The following DMBT1 variants were observed in gnomAD, a reference collection of about 807,000 sequenced individuals.
DMBT1 encodes the protein deleted in malignant brain tumors 1.
In DMBT1, 198 loss-of-function variants were observed where a neutral mutation model predicts 252.9. The ratio of observed to expected loss-of-function variants is 0.78; its 90% CI spans 0.70 to 0.88. DMBT1 has a LOEUF of 0.88. Among genes scored for constraint, DMBT1 ranks in the 40% least tolerant of loss-of-function variants. DMBT1 has a pLI of 0.00. For missense variants in DMBT1, 2,432 were observed against 2,404.7 expected (o/e 1.01, Z -0.24); for synonymous variants, 990 against 942.7 (o/e 1.05, Z -0.92).
intron 24 of DMBT1, among the ~76,000 whole-genome samples, chr10:122,597,473 C>T (rs980089179): frequency 7.9e-5 from 12 of 152,166 alleles, no homozygotes; most frequent in African/African-American, 2.4e-4. Context: ...CAGTGCAGGC[C>T]TGACACCTCC....
rs762756607 is a variant in DMBT1 at position 122,591,444 on chromosome 10, T to G, written c.2138-35T>G. 3 of 1,576,770 alleles carry G rather than the reference T, an allele frequency of 1.9e-6. No individual in the cohort carries two copies. The South Asian group carries it at 3.5e-5, about 18-fold the overall frequency. On this transcript the variant is annotated intron_variant, in intron 18 of 55. Transcript: ENST00000338354. ...CTTTTGGAGCTTTTCTCCCTCAACTTTAATTCTAGCCTTTGTCTTTGTTGC... is the reference window on the plus strand; with the variant it reads ...CTTTTGGAGCTTTTCTCCCTCAACTGTAATTCTAGCCTTTGTCTTTGTTGC...
intron 10 of DMBT1, among the ~76,000 whole-genome samples, 180 bp downstream of exon 10, chr10:122,580,081 G>A (rs891770239): frequency 1.3e-5 from 2 of 152,188 alleles, no homozygotes; most frequent in African/African-American, 4.8e-5. Context: ...TGGTCACTTA[G>A]GACAGGGGAT....
intron 5 of DMBT1, 27 bp from the exon 6 acceptor site, chr10:122,573,688 T>C (rs746399168): frequency 1.2e-6 from 2 of 1,613,700 alleles, no homozygotes; most frequent in Non-Finnish European, 1.7e-6. Flanking sequence ...CTACGATCAA[T>C]GAGCTCTTCC....
At chr10:122,593,370 C>A (rs1424895989) in intron 20 of DMBT1, among the ~76,000 whole-genome samples, 199 bp from the exon 21 acceptor site, 1 of 148,256 alleles carries the variant, frequency 6.7e-6, no homozygotes, top group African/African-American at 2.4e-5. Context: ...CACCTCAGAG[C>A]TGGCAATAGT....
Position 122,586,507 on chromosome 10 carries a change from G to A in DMBT1, c.1783+124G>A, listed in dbSNP as rs1002853100. Reference sequence around the variant, plus strand: ...TTCCTATATTTCTGATACCTCCTTAGCTCTCTCCTAGGAAACCGCATGAGT... The same window carrying A: ...TTCCTATATTTCTGATACCTCCTTAACTCTCTCCTAGGAAACCGCATGAGT... On this transcript the variant is annotated intron_variant, in intron 16 of 55. Coordinates refer to ENST00000338354, the MANE Select transcript of DMBT1 (RefSeq NM_001377530.1). The A allele has an allele frequency of 4.3e-5, 61 of 1,419,910 alleles. 10 individuals carry two copies. In the East Asian group the frequency reaches 7.8e-4, roughly 18 times the overall value. 88.0% of individuals were successfully genotyped at this position (1,419,910 alleles called of 1,614,324 possible).
chr10:122,627,666 T>G (rs1315597637), intron 46 of DMBT1, among the ~76,000 whole-genome samples: 1 of 152,244 alleles, frequency 6.6e-6, no homozygotes, highest in Non-Finnish European at 1.5e-5. Context: ...ATGTAACTCG[T>G]ATCCTTGTCT....
Position 122,570,909 on chromosome 10 carries a change from G to A in DMBT1, c.159G>A (p.Glu53=), listed in dbSNP as rs2097656487. 2 of 1,613,378 alleles carry A rather than the reference G, an allele frequency of 1.2e-6. No homozygotes were observed. Among genetic ancestry groups the A allele is most frequent in the Admixed American group, 1.7e-5 (1 of 60,002 alleles). ...CTGCAGGTTCTCCATTTCCCTCGGA[G>A]TCGACCCTGGAGTCAACTGTAGCAG... is the stretch of plus-strand genomic sequence containing the variant. ...TVAEGSPFPS[E]STLESTVAEG... The change falls in exon 4 of 56, where the codon GAG becomes GAA. Residue 53 remains glutamate, a synonymous_variant. Coordinates refer to ENST00000338354, the MANE Select transcript of DMBT1 (RefSeq NM_001377530.1).
chr10:122,576,819 G>A (rs2097716549), intron 7 of DMBT1, 97 bp downstream of exon 7: 5 of 1,486,542 alleles, frequency 3.4e-6, no homozygotes, highest in Middle Eastern at 1.8e-4. Context: ...TTGAGCTCAG[G>A]CGTTCAAGAC....
At chr10:122,637,413 T>G (rs940998153) in intron 54 of DMBT1, 101 bp downstream of exon 54, 3 of 1,315,464 alleles carry the variant, frequency 2.3e-6, no homozygotes, top group African/African-American at 3.0e-5. Flanking sequence ...ATTATGATTT[T>G]GGGATAATCA....
Position 122,640,200 on chromosome 10 carries a change from C to T in DMBT1, c.7103C>T (p.Ala2368Val), listed in dbSNP as rs1844270220. 1 of 1,613,940 alleles carries T rather than the reference C, an allele frequency of 6.2e-7. No homozygotes were observed. Among genetic ancestry groups the T allele is most frequent in the Non-Finnish European group, 8.5e-7 (1 of 1,179,908 alleles). ...MYIANDTIHV[A>V]NNTIQVEEVQ... is the part of the protein sequence containing the mutation. ...ATTGCTAATGACACCATCCACGTTG[C>T]TAATAACACCATCCAGGTCGAGGAA... The change falls in exon 55 of 56, where the codon GCT (alanine) becomes GTT (valine). Residue 2368 changes from alanine to valine, a missense_variant. By Grantham distance (64) the Ala-to-Val change is moderately conservative (BLOSUM62 0). This residue lies in a region of DMBT1 where 1,162 missense variants were observed against 1,169.0 expected (regional missense o/e 0.99). Coordinates refer to ENST00000338354, the MANE Select transcript of DMBT1 (RefSeq NM_001377530.1).
chr10:122,617,226 A>C lies in DMBT1; in HGVS notation c.4859-2A>C. The C allele has an allele frequency of 6.2e-7, 1 of 1,609,546 alleles. No individual in the cohort carries two copies. On this transcript the variant is annotated splice_acceptor_variant, in intron 39 of 55. Coordinates refer to ENST00000338354, the MANE Select transcript of DMBT1 (RefSeq NM_001377530.1). LOFTEE classifies it high-confidence loss of function. ...GTCTTTTTTCTTTGTTGCTATTTAC[A>C]GACACTTGGCCAACCTCTCGTGCAT... is the stretch of plus-strand genomic sequence containing the variant.
chr10:122,621,227 C>G lies in DMBT1; in HGVS notation c.5455C>G (p.Pro1819Ala), dbSNP rs994742622. 4 of 1,613,728 alleles carry G rather than the reference C, an allele frequency of 2.5e-6. No individual in the cohort carries two copies. Among genetic ancestry groups the G allele is most frequent in the African/African-American group, 2.7e-5 (2 of 74,914 alleles). ...QLGCGWAMSA[P>A]GNARFGQGSG... Reference sequence around the variant, plus strand: ...GGGCTGTGGCTGGGCCATGTCGGCCCCAGGAAATGCCCGGTTTGGCCAGGG... The same window carrying G: ...GGGCTGTGGCTGGGCCATGTCGGCCGCAGGAAATGCCCGGTTTGGCCAGGG... The change falls in exon 44 of 56, where the codon CCA becomes GCA. Residue 1819 changes from proline to alanine, a missense_variant. Pro to Ala is a conservative substitution (Grantham distance 27, BLOSUM62 -1). Coordinates refer to ENST00000338354, the MANE Select transcript of DMBT1 (RefSeq NM_001377530.1).
At chr10:122,640,570 A>AG in intron 55 of DMBT1, 121 bp downstream of exon 55, 3 of 1,076,640 alleles carry the variant, frequency 2.8e-6, no homozygotes, top group Non-Finnish European at 3.9e-6. Flanking sequence ...TTCCAGCTTA[A>AG]CTGGATCCCT....
intron 27 of DMBT1, among the ~76,000 whole-genome samples, chr10:122,600,745 C>T (rs1228941126): frequency 6.6e-6 from 1 of 152,092 alleles, no homozygotes; most frequent in Non-Finnish European, 1.5e-5. Flanking sequence ...ATGGTGGGGG[C>T]ATCCTCTAAG....
chr10:122,634,871 G>T lies in DMBT1; in HGVS notation c.6549-1120G>T, dbSNP rs575934882. ...TAACTGTGAAGAGGCACCAGTGTTT[G>T]CTAGTGTCCTGAACAAGGGGCTACA... On this transcript the variant is annotated intron_variant, in intron 52 of 55. Coordinates refer to ENST00000338354, the MANE Select transcript of DMBT1 (RefSeq NM_001377530.1). 8.1e-4 allele frequency among the ~76,000 whole-genome samples: 124 copies of T among 152,276 alleles called. 1 individual carries two copies. Among genetic ancestry groups the T allele is most frequent in the African/African-American group, 2.9e-3 (120 of 41,562 alleles).
chr10:122,579,767 G>A lies in DMBT1; in HGVS notation c.869G>A (p.Gly290Asp). The change falls in exon 10 of 56, where the codon GGC becomes GAC. Residue 290 changes from glycine to aspartate, a missense_variant. By Grantham distance (94) the Gly-to-Asp change is moderately conservative. Coordinates refer to ENST00000338354, the MANE Select transcript of DMBT1 (RefSeq NM_001377530.1). ...AMSAPGNAQF[G>D]QGSGPIVLDD... Reference sequence around the variant, plus strand: ...TCAGCCCCAGGAAATGCCCAGTTTGGCCAGGGCTCAGGACCCATTGTCCTG... The same window carrying A: ...TCAGCCCCAGGAAATGCCCAGTTTGACCAGGGCTCAGGACCCATTGTCCTG... 1.9e-6 allele frequency: 3 copies of A among 1,613,802 alleles called. No homozygotes were observed. Among genetic ancestry groups the A allele is most frequent in the Non-Finnish European group, 2.5e-6 (3 of 1,179,758 alleles).
chr10:122,570,972 T>C, intron 4 of DMBT1, 35 bp downstream of exon 4: 1 of 1,602,898 alleles, frequency 6.2e-7, no homozygotes, highest in South Asian at 1.1e-5. Context: ...TGTGGGCTCA[T>C]TACCCCACTG....
intron 5 of DMBT1, 91 bp downstream of exon 5, chr10:122,572,452 G>T (rs1824447992): frequency 8.4e-6 from 13 of 1,546,680 alleles, no homozygotes; most frequent in Non-Finnish European, 1.2e-5. Context: ...AGAGGACATA[G>T]AAAGTAGTGT....
At chr10:122,621,013 C>T in intron 43 of DMBT1, 44 bp from the exon 44 acceptor site, 4 of 1,610,574 alleles carry the variant, frequency 2.5e-6, no homozygotes, top group Non-Finnish European at 3.4e-6. Flanking sequence ...AAATCCTTGA[C>T]CTCATAATCA....
Sources: allele counts gnomAD v4.1 joint callset (sites outside exome capture counted in the v4.1 genomes callset), GRCh38; gene constraint gnomAD v4.1.1; regional missense constraint gnomAD v4.1.1; transcripts MANE v1.5; gene names NCBI Gene and HGNC (gene_info 2026-07-23, HGNC 2026-07-21).